DNAH17: variants seen among roughly 807,000 people sequenced by gnomAD.
DNAH17 encodes dynein axonemal heavy chain 17.
In DNAH17, 376 loss-of-function variants were observed where a neutral mutation model predicts 485.6. That is an observed-to-expected ratio of 0.77 (90% CI 0.71 to 0.84). The LOEUF (loss-of-function observed/expected upper bound fraction) is 0.84, where lower values mean the gene tolerates loss of function less well. Ranked by LOEUF, DNAH17 falls within the 40% of genes least tolerant of loss-of-function variation. The pLI, the probability that DNAH17 is intolerant of heterozygous loss-of-function variation, is 0.00. For synonymous variants in DNAH17, 3,031 were observed against 2,405.9 expected (o/e 1.26, Z -7.60); for missense variants, 6,370 against 5,839.3 (o/e 1.09, Z -2.96).
In DNAH17 at chr17:78,479,562, A is replaced by C; in HGVS notation, c.7823T>G (p.Leu2608Arg). 6.2e-7 allele frequency: 1 copy of C among 1,613,714 alleles called. No homozygotes were observed. Among genetic ancestry groups the C allele is most frequent in the Non-Finnish European group, 8.5e-7 (1 of 1,179,872 alleles). ...CGAGCGGAAGGCCAGGTGCTGCGTC[A>C]GGATTGTGTTGTAGATGGTGGTGAG... is the stretch of plus-strand genomic sequence containing the variant. Reference protein sequence around the residue: ...EALTTIYNTILTQHLAFRSVS... With the variant: ...EALTTIYNTIRTQHLAFRSVS... The change falls in exon 50 of 81, where the codon CTG (leucine) becomes CGG (arginine). Residue 2608 changes from leucine to arginine, a missense_variant. Transcript: ENST00000389840.
rs556517434 is a variant in DNAH17 at position 78,428,222 on chromosome 17, G to A, written c.12588+303C>T. The A allele has an allele frequency of 3.0e-4, 134 of 444,964 alleles. 1 individual carries two copies. The highest frequency in any genetic ancestry group is 2.7e-3 in the South Asian group (128 of 47,490). 27.6% of individuals were successfully genotyped at this position (444,964 alleles called of 1,614,324 possible). On this transcript the variant is annotated intron_variant, in intron 77 of 80. Coordinates refer to ENST00000389840, the MANE Select transcript of DNAH17 (RefSeq NM_173628.4). ...TGGTCGGTGCCCTTCCTGGCGCTCA[G>A]CTAGGGAAGCTGGAAGACTGCAGGG...
Position 78,501,269 on chromosome 17 carries a change from C to A in DNAH17, c.5398G>T (p.Ala1800Ser). ...RWDEEKRHCFANICDAQIQYS... is the reference protein window; with the variant it reads ...RWDEEKRHCFSNICDAQIQYS... ...TGGATTTGGGCATCGCAGATGTTGG[C>A]AAAGCAGTGTCGCTTCTCTTCGTCC... Residue 1800 changes from alanine to serine, a missense_variant, in exon 35 of 81, where the codon GCC becomes TCC. Physicochemically the swap from Ala to Ser is moderately conservative, Grantham distance 99. Transcript: ENST00000389840. The A allele has an allele frequency of 6.2e-7, 1 of 1,609,358 alleles. No homozygotes were observed. The highest frequency in any genetic ancestry group is 8.5e-7 in the Non-Finnish European group (1 of 1,176,102).
intron 76 of DNAH17, among the ~76,000 whole-genome samples, 197 bp downstream of exon 76, chr17:78,428,924 T>TAAAAAAAAAA (rs11409298): frequency 9.7e-6 from 1 of 103,318 alleles, no homozygotes; most frequent in Non-Finnish European, 1.9e-5. Flanking sequence ...TTTCTTTCTT[T>TAAAAAAAAAA]AAAAAAAAAA....
At chr17:78,472,505 C>A (rs1001579898) in intron 54 of DNAH17, among the ~76,000 whole-genome samples, 2 of 152,126 alleles carry the variant, frequency 1.3e-5, no homozygotes, top group African/African-American at 4.8e-5. Flanking sequence ...CCGCTGAGAC[C>A]ACGGCCCCTC....
intron 25 of DNAH17, among the ~76,000 whole-genome samples, chr17:78,521,623 T>C (rs547309432): frequency 9.9e-5 from 15 of 152,260 alleles, no homozygotes; most frequent in African/African-American, 3.1e-4. Flanking sequence ...GGAAAAGAGT[T>C]CATAATCTAT....
intron 9 of DNAH17, among the ~76,000 whole-genome samples, chr17:78,567,589 A>AC (rs1370671191): frequency 6.6e-6 from 1 of 152,260 alleles, no homozygotes; most frequent in African/African-American, 2.4e-5. Context: ...TACCTGGAAG[A>AC]CCATCCTATG....
At chr17:78,504,489 CCCACCCCAT>C (rs1239259288) in intron 31 of DNAH17, among the ~76,000 whole-genome samples, 7 of 116,092 alleles carry the variant, frequency 6.0e-5, no homozygotes, top group East Asian at 5.3e-4. Flanking sequence ...ACCCACCCCA[CCCACCCCAT>C]CCACGTAGAG....
chr17:78,476,893 C>T lies in DNAH17; in HGVS notation c.7993-160G>A, dbSNP rs149731791. ...TTGGGGCCAGGGAAGCCACTCATCA[C>T]GGAGGTCCCAAAAATCCCGGATGCC... On this transcript the variant is annotated intron_variant, in intron 51 of 80. Coordinates refer to ENST00000389840, the MANE Select transcript of DNAH17 (RefSeq NM_173628.4). Among the ~76,000 whole-genome samples, 15 of 152,242 alleles carry T rather than the reference C, an allele frequency of 9.9e-5. No individual in the cohort carries two copies. In the East Asian group the frequency reaches 1.4e-3, roughly 14 times the overall value.
At chr17:78,455,350 G>C (rs773075781) in intron 63 of DNAH17, among the ~76,000 whole-genome samples, 2 of 151,760 alleles carry the variant, frequency 1.3e-5, no homozygotes, top group Non-Finnish European at 2.9e-5. Flanking sequence ...TTTTAAGATG[G>C]GGTCTCGCTG....
chr17:78,544,999 C>G (rs1238686319), intron 16 of DNAH17, among the ~76,000 whole-genome samples: 1 of 152,028 alleles, frequency 6.6e-6, no homozygotes, highest in Non-Finnish European at 1.5e-5. Flanking sequence ...TCCATCCCAT[C>G]CCCCACTGGA....
At chr17:78,560,974 C>A in intron 12 of DNAH17, 39 bp from the exon 13 acceptor site, 5 of 1,512,570 alleles carry the variant, frequency 3.3e-6, no homozygotes, top group Non-Finnish European at 4.5e-6. Context: ...CACTGGATAT[C>A]TCCTGTGGGG....
In DNAH17 at chr17:78,514,847, A is replaced by G; in HGVS notation, c.4040T>C (p.Leu1347Pro). The G allele has an allele frequency of 1.2e-6, 2 of 1,614,042 alleles. No individual in the cohort carries two copies. The highest frequency in any genetic ancestry group is 1.7e-6 in the Non-Finnish European group (2 of 1,179,900). Reference protein sequence around the residue: ...DNTVKNVITSLRAVSELQNPA... With the variant: ...DNTVKNVITSPRAVSELQNPA... The stretch of plus-strand genomic sequence containing the variant: ...GTTCTGCAGCTCGCTCACGGCACGC[A>G]GGGACGTGATCACGTTTTTCACGGT... Residue 1347 changes from leucine to proline, a missense_variant, in exon 26 of 81, where the codon CTG becomes CCG. Leu to Pro is a moderately conservative substitution (Grantham distance 98, BLOSUM62 -3). Coordinates refer to ENST00000389840, the MANE Select transcript of DNAH17 (RefSeq NM_173628.4).
Position 78,427,966 on chromosome 17 carries a change from C to CA in DNAH17, c.12588+558dup, listed in dbSNP as rs55900135. ...GGGCAACGAGAGCAAAACTCCGTCT[C>CA]AAAAAAAAAAAAAAAAAAAAAAGTG... On this transcript the variant is annotated intron_variant, in intron 77 of 80. Coordinates refer to ENST00000389840, the MANE Select transcript of DNAH17 (RefSeq NM_173628.4). Among the ~76,000 whole-genome samples, 252 of 98,202 alleles carry CA rather than the reference C, an allele frequency of 2.6e-3. 3 individuals carry two copies. The highest frequency in any genetic ancestry group is 8.9e-3 in the African/African-American group (239 of 27,004). 64.4% of individuals were successfully genotyped at this position (98,202 alleles called of 152,430 possible). A position where few individuals can be genotyped will look rare whatever the true frequency, so the allele number is the denominator to read the frequency against.
intron 79 of DNAH17, among the ~76,000 whole-genome samples, chr17:78,425,827 G>A (rs1386150971): frequency 2.0e-5 from 3 of 146,448 alleles, no homozygotes; most frequent in Non-Finnish European, 4.4e-5. Context: ...GTGCAGTGGT[G>A]CAATCTTGGC....
At chr17:78,548,544 AAAT>A (rs1410879616) in intron 16 of DNAH17, among the ~76,000 whole-genome samples, 6 of 152,094 alleles carry the variant, frequency 3.9e-5, no homozygotes, top group Admixed American at 6.6e-5. Context: ...TAGGTTTACT[AAAT>A]AAAGAGCTTC....
chr17:78,566,037 T>C (rs1167711053), intron 11 of DNAH17, among the ~76,000 whole-genome samples: 2 of 152,110 alleles, frequency 1.3e-5, no homozygotes, highest in Non-Finnish European at 2.9e-5. Flanking sequence ...GAGACCTCCC[T>C]TGCCCCTTCT....
At position 78,476,631 on chromosome 17, in the gene DNAH17, C is replaced by T. The variant is rs116230343; in HGVS notation, c.8095G>A (p.Glu2699Lys). Residue 2699 changes from glutamate (E) to lysine (K), a missense_variant, in exon 52 of 81, where the codon GAA becomes AAA. Glu to Lys is a moderately conservative substitution (Grantham distance 56). Transcript: ENST00000389840. ...CTATGCAATGTTTCCTGGTCTTTTT[C>T]GTCAACCATTTTGTCACCATACACT... Reference protein sequence around the residue: ...ERVYGDKMVDEKDQETLHRVT... With the variant: ...ERVYGDKMVDKKDQETLHRVT... 2.2e-3 allele frequency: 3,537 copies of T among 1,611,890 alleles called. 66 individuals are homozygous for T. In the African/African-American group the frequency reaches 0.04, roughly 18 times the overall value.
intron 54 of DNAH17, among the ~76,000 whole-genome samples, chr17:78,470,997 A>G (rs2088723006): frequency 6.6e-6 from 1 of 152,222 alleles, no homozygotes; most frequent in South Asian, 2.1e-4. Context: ...ATTTCCATGT[A>G]TATATATGTT....
At chr17:78,525,610 TAGTG>T (rs1469665610) in intron 24 of DNAH17, among the ~76,000 whole-genome samples, 3 of 152,210 alleles carry the variant, frequency 2.0e-5, no homozygotes, top group African/African-American at 7.2e-5. Context: ...CACCTGGTGA[TAGTG>T]GGTGTGTTTG....
Sources: allele counts gnomAD v4.1 joint callset (sites outside exome capture counted in the v4.1 genomes callset), GRCh38; gene constraint gnomAD v4.1.1; transcripts MANE v1.5; gene names NCBI Gene and HGNC (gene_info 2026-07-23, HGNC 2026-07-21).